TNKS: variants seen among roughly 807,000 people sequenced by gnomAD.
TNKS encodes the protein poly [ADP-ribose] polymerase tankyrase-1.
TNKS carries 72 observed loss-of-function variants against 135.8 expected under a neutral mutation model. That is an observed-to-expected ratio of 0.53 (90% confidence interval 0.44 to 0.64). TNKS has a LOEUF of 0.64. Among genes scored for constraint, TNKS ranks in the 30% least tolerant of loss-of-function variants. The pLI is 0.00. For missense variants in TNKS, 1,769 were observed against 1,674.0 expected (o/e 1.06, Z -0.99); for synonymous variants, 849 against 649.3 (o/e 1.31, Z -4.68).
intron 3 of TNKS, among the ~76,000 whole-genome samples, chr8:9,643,715 C>T (rs1290320295): frequency 6.6e-6 from 1 of 152,090 alleles, no homozygotes; most frequent in South Asian, 2.1e-4. Context: ...AGTATGGAGA[C>T]TCCTCAAAAA....
At chr8:9,591,927 C>T (rs973774753) in intron 2 of TNKS, among the ~76,000 whole-genome samples, 1 of 152,262 alleles carries the variant, frequency 6.6e-6, no homozygotes, top group Admixed American at 6.5e-5. Flanking sequence ...AGTTTCCGGT[C>T]TGAGGGCTGC....
At chr8:9,716,288 A>G (rs564031967) in intron 11 of TNKS, among the ~76,000 whole-genome samples, 1 of 152,228 alleles carries the variant, frequency 6.6e-6, no homozygotes, top group South Asian at 2.1e-4. Flanking sequence ...CTAGAGGTAG[A>G]TTGATAAGTA....
intron 26 of TNKS, among the ~76,000 whole-genome samples, chr8:9,773,047 T>A (rs1808025909): frequency 6.6e-6 from 1 of 151,810 alleles, no homozygotes. Context: ...ATAAAAAGTT[T>A]ACAAAAAGGA....
intron 11 of TNKS, among the ~76,000 whole-genome samples, chr8:9,715,469 G>A (rs994198669): frequency 6.6e-6 from 1 of 152,044 alleles, no homozygotes; most frequent in Non-Finnish European, 1.5e-5. Flanking sequence ...ACCACCTGTA[G>A]CCTTTGATCA....
At chr8:9,601,221 T>C (rs1381748286) in intron 2 of TNKS, among the ~76,000 whole-genome samples, 4 of 152,246 alleles carry the variant, frequency 2.6e-5, no homozygotes, top group Admixed American at 2.6e-4. Context: ...GTTGTTAAGG[T>C]AGCTGAAGTA....
chr8:9,671,637 T>G (rs1024711393), intron 3 of TNKS, among the ~76,000 whole-genome samples: 1 of 152,204 alleles, frequency 6.6e-6, no homozygotes, highest in Non-Finnish European at 1.5e-5. Context: ...GGGGCCTGAC[T>G]TTTTGGTGTG....
At chr8:9,616,503 TA>T (rs1311205201) in intron 3 of TNKS, among the ~76,000 whole-genome samples, 21 of 152,332 alleles carry the variant, frequency 1.4e-4, no homozygotes, top group Admixed American at 1.4e-3. Flanking sequence ...AAATGACTTT[TA>T]ACTACCTTTT....
chr8:9,573,474 G>T (rs1797835482), intron 1 of TNKS, among the ~76,000 whole-genome samples: 1 of 152,146 alleles, frequency 6.6e-6, no homozygotes, highest in Admixed American at 6.5e-5. Context: ...GTTACATTCA[G>T]TTTACGTATC....
intron 14 of TNKS, 144 bp downstream of exon 14, chr8:9,731,179 GC>G: frequency 8.9e-7 from 1 of 1,118,964 alleles, no homozygotes; most frequent in Non-Finnish European, 1.2e-6. Flanking sequence ...ATAGAAATGT[GC>G]CAGGCATGGT....
chr8:9,561,040 TA>T (rs1480401788), intron 1 of TNKS, among the ~76,000 whole-genome samples: 12 of 152,174 alleles, frequency 7.9e-5, no homozygotes, highest in African/African-American at 2.9e-4. Context: ...TGTTCAACAA[TA>T]GAGAAATGCT....
Position 9,734,944 on chromosome 8 carries a change from A to C in TNKS, c.2393A>C (p.Gln798Pro). The change falls in exon 16 of 27, where the codon CAG becomes CCG. Residue 798 changes from glutamine (Q) to proline (P), a missense_variant. Coordinates refer to ENST00000310430, the MANE Select transcript of TNKS (RefSeq NM_003747.3). The part of the protein sequence containing the change: ...DLVKEGDTDI[Q>P]DLLRGDAALL... The stretch of plus-strand genomic sequence containing the variant: ...GTAAAGGAAGGAGACACAGATATTC[A>C]GGACTTACTGAGAGGGGATGCTGCT... 1 of 1,614,184 alleles carries C rather than the reference A, an allele frequency of 6.2e-7. No homozygotes were observed. Among genetic ancestry groups the C allele is most frequent in the Non-Finnish European group, 8.5e-7 (1 of 1,180,024 alleles).
chr8:9,613,880 C>G (rs1799548004), intron 2 of TNKS, among the ~76,000 whole-genome samples: 1 of 152,160 alleles, frequency 6.6e-6, no homozygotes, highest in Non-Finnish European at 1.5e-5. Context: ...TTAAAAACTA[C>G]AAAATGAAAG....
Position 9,764,764 on chromosome 8 carries a change from A to G in TNKS, c.3421A>G (p.Ile1141Val). Residue 1141 changes from isoleucine (I) to valine (V), a missense_variant, in exon 23 of 27, where the codon ATC (isoleucine) becomes GTC (valine). Around this residue, in one of 5 missense-constraint regions of TNKS, gnomAD observed 722 missense variants for 688.9 expected, o/e 1.05. Transcript: ENST00000310430. ...EHRDGGNAGGIFNRYNVIRIQ... is the reference protein window; with the variant it reads ...EHRDGGNAGGVFNRYNVIRIQ... ...CAGAGATGGTGGTAATGCTGGCGGC[A>G]TCTTCAACAGATACAATGTCATTCG... The G allele has an allele frequency of 1.9e-6, 3 of 1,598,996 alleles. No individual in the cohort carries two copies. The highest frequency in any genetic ancestry group is 4.6e-5 in the East Asian group (2 of 43,816).
intron 1 of TNKS, among the ~76,000 whole-genome samples, chr8:9,569,352 C>G (rs923584860): frequency 2.6e-5 from 4 of 152,134 alleles, no homozygotes; most frequent in Non-Finnish European, 4.4e-5. Flanking sequence ...GTGCCCTGCT[C>G]AAGAATCAGA....
chr8:9,567,533 A>C (rs1005042461), intron 1 of TNKS, among the ~76,000 whole-genome samples: 12 of 152,180 alleles, frequency 7.9e-5, no homozygotes, highest in African/African-American at 2.6e-4. Context: ...CTCCTGCCTC[A>C]GCCTCCCGAG....
At chr8:9,580,026 T>C in intron 1 of TNKS, 133 bp from the exon 2 acceptor site, 2 of 704,418 alleles carry the variant, frequency 2.8e-6, no homozygotes, top group Non-Finnish European at 4.8e-6. Flanking sequence ...CTAATGTTTC[T>C]TTTGTTTTAC....
chr8:9,740,826 G>GTTTTTTTTTTTTTT lies in TNKS; in HGVS notation c.2643+5347_2643+5360dup, dbSNP rs66865048. 5.8e-5 allele frequency: 6 copies of GTTTTTTTTTTTTTT among 103,576 alleles called. 1 individual carries two copies. The highest frequency in any genetic ancestry group is 3.1e-4 in the East Asian group (1 of 3,178). The allele number at this position is 103,576 out of a possible 1,614,324, so 6.4% of individuals were successfully genotyped here. On this transcript the variant is annotated intron_variant, in intron 17 of 26. Coordinates refer to ENST00000310430, the MANE Select transcript of TNKS (RefSeq NM_003747.3). ...TATACATTTATATGTAATTCTTGTT[G>GTTTTTTTTTTTTTT]TTTTTTTTTTTTTTTTTTTTGAGAA...
chr8:9,597,752 G>C (rs1798845949), intron 2 of TNKS, among the ~76,000 whole-genome samples: 1 of 152,162 alleles, frequency 6.6e-6, no homozygotes, highest in Non-Finnish European at 1.5e-5. Context: ...CACAGTTGCT[G>C]TTTCTGAAAA....
chr8:9,747,955 G>C, intron 17 of TNKS, 69 bp from the exon 18 acceptor site: 1 of 1,406,166 alleles, frequency 7.1e-7, no homozygotes, highest in East Asian at 2.4e-5. Context: ...AATAAAAACA[G>C]GTATACACAA....
Sources: allele counts gnomAD v4.1 joint callset (sites outside exome capture counted in the v4.1 genomes callset), GRCh38; gene constraint gnomAD v4.1.1; regional missense constraint gnomAD v4.1.1; transcripts MANE v1.5; gene names NCBI Gene and HGNC (gene_info 2026-07-23, HGNC 2026-07-21).